CNTNAP2: variants seen among roughly 807,000 people sequenced by gnomAD.
CNTNAP2 encodes the protein contactin associated protein 2, also known as contactin-associated protein-like 2.
A neutral mutation model predicts 155.2 loss-of-function variants in CNTNAP2; 98 were observed. That is an observed-to-expected ratio of 0.63 (90% confidence interval 0.54 to 0.75). The LOEUF is 0.75. Among genes scored for constraint, CNTNAP2 ranks in the 30% least tolerant of loss-of-function variants. CNTNAP2 has a pLI of 0.00. For synonymous variants in CNTNAP2, 651 were observed against 631.2 expected, an observed-to-expected ratio of 1.03 and a Z score of -0.47; for missense variants, 1,727 against 1,688.1, an observed-to-expected ratio of 1.02 and a Z score of -0.40.
intron 3 of CNTNAP2, among the ~76,000 whole-genome samples, chr7:146,903,431 T>C (rs1198469105): frequency 2.6e-5 from 4 of 152,186 alleles, no homozygotes; most frequent in Non-Finnish European, 5.9e-5. Flanking sequence ...CTTAATATGT[T>C]AAAAACCAAA....
At chr7:146,570,377 G>T (rs1042869613) in intron 1 of CNTNAP2, among the ~76,000 whole-genome samples, 1 of 152,132 alleles carries the variant, frequency 6.6e-6, no homozygotes, top group Non-Finnish European at 1.5e-5. Context: ...AAATTTTGGG[G>T]ATGCTTGTGC....
chr7:147,849,674 G>A (rs544740308), intron 13 of CNTNAP2, among the ~76,000 whole-genome samples: 7 of 152,302 alleles, frequency 4.6e-5, no homozygotes, highest in African/African-American at 1.7e-4. Flanking sequence ...TCCTGAATAA[G>A]CTGTTCTCCA....
rs1242954397 is a variant in CNTNAP2 at position 146,587,532 on chromosome 7, T to A, written c.98-186739T>A. Among the ~76,000 whole-genome samples, 6 of 152,252 alleles carry A rather than the reference T, an allele frequency of 3.9e-5. No homozygotes were observed. The East Asian group carries it at 1.2e-3, about 29-fold the overall frequency. On this transcript the variant is annotated intron_variant, in intron 1 of 23. Transcript: ENST00000361727. The stretch of plus-strand genomic sequence containing the variant: ...ATCACCTTTTAATCACATTTTAGTG[T>A]GATTTATAAGCACATATTTGGAATA...
intron 21 of CNTNAP2, among the ~76,000 whole-genome samples, chr7:148,280,918 C>CAA (rs55842107): frequency 3.6e-4 from 52 of 146,440 alleles, no homozygotes; most frequent in South Asian, 6.5e-4. Flanking sequence ...GACTCCATCT[C>CAA]AAAAAAAAAA....
intron 1 of CNTNAP2, among the ~76,000 whole-genome samples, chr7:146,698,223 T>A (rs940329969): frequency 3.9e-5 from 6 of 152,158 alleles, no homozygotes; most frequent in Middle Eastern, 3.4e-3. Flanking sequence ...CCAAAAAAAA[T>A]TATTTTACCT....
At chr7:146,997,022 T>A (rs959553431) in intron 3 of CNTNAP2, among the ~76,000 whole-genome samples, 24 of 152,114 alleles carry the variant, frequency 1.6e-4, no homozygotes, top group African/African-American at 4.6e-4. Context: ...CCACCATGAT[T>A]GTGAGGCCTC....
intron 3 of CNTNAP2, among the ~76,000 whole-genome samples, chr7:146,954,056 C>A (rs1053550472): frequency 1.3e-5 from 2 of 151,846 alleles, no homozygotes; most frequent in African/African-American, 2.4e-5. Context: ...AAAAGCAACT[C>A]TTATTTCATT....
intron 12 of CNTNAP2, among the ~76,000 whole-genome samples, chr7:147,608,707 A>G (rs577462127): frequency 2.0e-5 from 3 of 152,208 alleles, no homozygotes; most frequent in Non-Finnish European, 4.4e-5. Flanking sequence ...TATTATCAGC[A>G]CTGTCACGCG....
At chr7:147,031,705 G>A (rs1229104793) in intron 3 of CNTNAP2, among the ~76,000 whole-genome samples, 1 of 152,230 alleles carries the variant, frequency 6.6e-6, no homozygotes, top group Non-Finnish European at 1.5e-5. Flanking sequence ...ATCACTTGAG[G>A]TCAGGAGTTC....
At chr7:148,348,288 T>C (rs1388397725) in intron 21 of CNTNAP2, among the ~76,000 whole-genome samples, 2 of 152,234 alleles carry the variant, frequency 1.3e-5, no homozygotes, top group African/African-American at 4.8e-5. Flanking sequence ...TAAAGCCTTA[T>C]CTTTGTGTTG....
chr7:147,687,750 G>C (rs1796034674), intron 13 of CNTNAP2, among the ~76,000 whole-genome samples: 1 of 152,090 alleles, frequency 6.6e-6, no homozygotes, highest in South Asian at 2.1e-4. Flanking sequence ...AGCAAATTAA[G>C]AGCATGAGGA....
Position 147,712,384 on chromosome 7 carries a change from TC to T in CNTNAP2, c.2098+73081del, listed in dbSNP as rs772935697. ...CTAGAAATACCATTTGACCCAGCCA[TC>T]CCATGACTGGACATATACCGAAAGG... On this transcript the variant is annotated intron_variant, in intron 13 of 23. Coordinates refer to ENST00000361727, the MANE Select transcript of CNTNAP2 (RefSeq NM_014141.6). Among the ~76,000 whole-genome samples, 37 of 152,114 alleles carry T rather than the reference TC, an allele frequency of 2.4e-4. 1 individual carries two copies. The highest frequency in any genetic ancestry group is 5.9e-4 in the Admixed American group (9 of 15,252).
chr7:146,411,441 C>T, intron 1 of CNTNAP2, among the ~76,000 whole-genome samples: 1 of 152,122 alleles, frequency 6.6e-6, no homozygotes, highest in Middle Eastern at 3.4e-3. Flanking sequence ...CAGGTGAGAG[C>T]CCCTGTGCCC....
intron 9 of CNTNAP2, among the ~76,000 whole-genome samples, chr7:147,368,511 G>C (rs187230531): frequency 6.6e-6 from 1 of 152,202 alleles, no homozygotes; most frequent in Non-Finnish European, 1.5e-5. Flanking sequence ...TTGTTCTGTA[G>C]ATGTTACAGA....
At chr7:147,854,819 G>A (rs12530825) in intron 13 of CNTNAP2, among the ~76,000 whole-genome samples, 6,731 of 152,150 alleles carry the variant, frequency 0.044, 270 homozygotes, top group Admixed American at 0.12. Context: ...TCAACCATAA[G>A]CTACATGGAA....
At chr7:147,879,447 C>A (rs766667242) in intron 13 of CNTNAP2, among the ~76,000 whole-genome samples, 2 of 150,686 alleles carry the variant, frequency 1.3e-5, no homozygotes, top group Non-Finnish European at 2.9e-5. Flanking sequence ...CTTACTAATT[C>A]TGGAGAAAGA....
chr7:147,507,412 C>T (rs766927868), intron 11 of CNTNAP2, among the ~76,000 whole-genome samples: 1 of 152,140 alleles, frequency 6.6e-6, no homozygotes, highest in Admixed American at 6.6e-5. Flanking sequence ...CCAGTCCACC[C>T]TTCAACCCTT....
At chr7:146,360,709 C>T (rs541436312) in intron 1 of CNTNAP2, among the ~76,000 whole-genome samples, 1 of 152,194 alleles carries the variant, frequency 6.6e-6, no homozygotes, top group Non-Finnish European at 1.5e-5. Flanking sequence ...TCAGATGGAG[C>T]AGCTCCACTG....
intron 3 of CNTNAP2, among the ~76,000 whole-genome samples, chr7:146,918,648 C>A (rs535888187): frequency 6.6e-6 from 1 of 152,296 alleles, no homozygotes; most frequent in South Asian, 2.1e-4. Flanking sequence ...AACCTGATGA[C>A]AATGTGCCTA....
Sources: allele counts gnomAD v4.1 joint callset (sites outside exome capture counted in the v4.1 genomes callset), GRCh38; gene constraint gnomAD v4.1.1; transcripts MANE v1.5; gene names NCBI Gene and HGNC (gene_info 2026-07-23, HGNC 2026-07-21).